CNDP1: variants seen among roughly 807,000 people sequenced by gnomAD.
CNDP1 encodes the protein beta-Ala-His dipeptidase.
A neutral mutation model predicts 58.1 loss-of-function variants in CNDP1; 44 were observed. That is an observed-to-expected ratio of 0.76 (90% CI 0.60 to 0.97). CNDP1 has a LOEUF of 0.97. Among genes scored for constraint, CNDP1 ranks in the 50% least tolerant of loss-of-function variants. The pLI, the probability that CNDP1 is intolerant of heterozygous loss-of-function variation, is 0.00. For missense variants in CNDP1, 616 were observed against 655.1 expected (o/e 0.94, Z 0.65); for synonymous variants, 254 against 252.6 (o/e 1.01, Z -0.05).
intron 7 of CNDP1, among the ~76,000 whole-genome samples, chr18:74,573,337 TATCC>T (rs1302798401): frequency 1.3e-5 from 2 of 152,172 alleles, no homozygotes; most frequent in Admixed American, 6.5e-5. Flanking sequence ...ATCATTTTTC[TATCC>T]ATCCATCCAT....
Position 74,585,993 on chromosome 18 carries a change from CCAA to C in CNDP1, c.*1432_*1434del, listed in dbSNP as rs1452781865. The C allele has an allele frequency of 2.4e-5, 1 of 40,924 alleles. No homozygotes were observed. Among genetic ancestry groups the C allele is most frequent in the Non-Finnish European group, 4.3e-5 (1 of 23,052 alleles). The allele number at this position is 40,924 out of a possible 1,614,324, so 2.5% of individuals were successfully genotyped here. ...TGGGCGACAGAGTGAGACTCCGTCTCCAAAAAAAAAAAAAAAAAAAAAAAAAGC... is the reference window on the plus strand; with the variant it reads ...TGGGCGACAGAGTGAGACTCCGTCTCAAAAAAAAAAAAAAAAAAAAAAAGC... On this transcript the variant is annotated 3_prime_UTR_variant, in exon 12 of 12. Transcript: ENST00000358821.
rs1420464845 is a variant in CNDP1 at position 74,584,855 on chromosome 18, T to C, written c.*293T>C. 3.2e-6 allele frequency: 1 copy of C among 309,312 alleles called. No individual in the cohort carries two copies. The highest frequency in any genetic ancestry group is 5.3e-5 in the East Asian group (1 of 18,748). The allele number at this position is 309,312 out of a possible 1,614,324, so 19.2% of individuals were successfully genotyped here. On this transcript the variant is annotated 3_prime_UTR_variant, in exon 12 of 12. Transcript: ENST00000358821. ...CCCCAGGATTGGATTCCTTCAAACC[T>C]TTTAGCATATCTCCAACCTTGCAAT...
intron 7 of CNDP1, among the ~76,000 whole-genome samples, chr18:74,574,092 C>T (rs1981568313): frequency 6.6e-6 from 1 of 152,208 alleles, no homozygotes; most frequent in Non-Finnish European, 1.5e-5. Flanking sequence ...TGAGAGTCGG[C>T]TGTGCTGTGT....
intron 1 of CNDP1, among the ~76,000 whole-genome samples, chr18:74,541,339 A>G (rs1980619912): frequency 6.6e-6 from 1 of 152,190 alleles, no homozygotes; most frequent in South Asian, 2.1e-4. Context: ...CTAGCTTCTC[A>G]GCAGGTTGTC....
intron 2 of CNDP1, among the ~76,000 whole-genome samples, chr18:74,558,392 C>CTTTTTTTTTTTTTT (rs71168498): frequency 9.1e-4 from 104 of 114,250 alleles, no homozygotes; most frequent in Non-Finnish European, 1.2e-3. Context: ...CTTTCTTTTT[C>CTTTTTTTTTTTTTT]TTTTTTTTTT....
At chr18:74,558,544 A>G (rs567895985) in intron 2 of CNDP1, among the ~76,000 whole-genome samples, 3 of 151,608 alleles carry the variant, frequency 2.0e-5, no homozygotes, top group South Asian at 2.1e-4. Context: ...ACAGGCGCCC[A>G]CCACCACACC....
chr18:74,583,456 A>G (rs1483147489), intron 10 of CNDP1, 105 bp from the exon 11 acceptor site: 1 of 913,394 alleles, frequency 1.1e-6, no homozygotes, highest in Non-Finnish European at 1.7e-6. Context: ...AGAAAGATTA[A>G]CAAGGAAAAA....
rs1980497250 is a variant in CNDP1, at chr18:74,536,844, A to G, written c.24+2153A>G. Among the ~76,000 whole-genome samples the G allele has an allele frequency of 3.3e-5, 5 of 152,128 alleles. 1 individual carries two copies. Among genetic ancestry groups the G allele is most frequent in the Admixed American group, 3.3e-4 (5 of 15,278 alleles). On this transcript the variant is annotated intron_variant, in intron 1 of 11. Transcript: ENST00000358821. The stretch of plus-strand genomic sequence containing the variant: ...TTTTAATACAGTTGTTTGATGTGAG[A>G]TGGTATCTCATTGTGGTTTTGATTT...
At chr18:74,560,398 G>A (rs1374870054) in intron 3 of CNDP1, among the ~76,000 whole-genome samples, 1 of 151,714 alleles carries the variant, frequency 6.6e-6, no homozygotes, top group East Asian at 1.9e-4. Context: ...CTTTTGATTA[G>A]GTTTTATATC....
chr18:74,542,572 C>A (rs936526240), intron 1 of CNDP1, among the ~76,000 whole-genome samples: 3 of 151,982 alleles, frequency 2.0e-5, no homozygotes, highest in Non-Finnish European at 4.4e-5. Context: ...AAAGCAATTG[C>A]ATATACTTCA....
At chr18:74,547,676 C>A (rs371535177) in intron 1 of CNDP1, among the ~76,000 whole-genome samples, 2 of 152,262 alleles carry the variant, frequency 1.3e-5, no homozygotes, top group Middle Eastern at 3.4e-3. Flanking sequence ...GAGGTGGAGG[C>A]GAAGCCAGTG....
At chr18:74,584,068 A>T in intron 11 of CNDP1, 1 of 303,358 alleles carries the variant, frequency 3.3e-6, no homozygotes, top group Non-Finnish European at 6.2e-6. Flanking sequence ...AAATACAGAC[A>T]CACTGGGGGG....
chr18:74,534,687 G>T lies in CNDP1; in HGVS notation c.20G>T (p.Arg7Ile). 6.2e-7 allele frequency: 1 copy of T among 1,614,116 alleles called. No homozygotes were observed. Among genetic ancestry groups the T allele is most frequent in the Non-Finnish European group, 8.5e-7 (1 of 1,179,998 alleles). MDPKLGRMAASLLAVLL... is the reference protein window; with the variant it reads MDPKLGIMAASLLAVLL... Reference sequence around the variant, plus strand: ...AGCCTAATGGATCCCAAACTCGGGAGAATGGTGAGTAGGACCTCCTCCATC... The same window carrying T: ...AGCCTAATGGATCCCAAACTCGGGATAATGGTGAGTAGGACCTCCTCCATC... Residue 7 changes from arginine (R) to isoleucine (I), a missense_variant, in exon 1 of 12, where the codon AGA (arginine) becomes ATA (isoleucine). Transcript: ENST00000358821.
chr18:74,539,338 T>C (rs1279263912), intron 1 of CNDP1, among the ~76,000 whole-genome samples: 4 of 152,158 alleles, frequency 2.6e-5, no homozygotes, highest in Non-Finnish European at 5.9e-5. Context: ...AGGCACGTGC[T>C]AATTTTCCGC....
chr18:74,573,838 C>T (rs189936109), intron 7 of CNDP1, among the ~76,000 whole-genome samples: 1 of 152,282 alleles, frequency 6.6e-6, no homozygotes, highest in African/African-American at 2.4e-5. Flanking sequence ...AGAGTCGGCT[C>T]GGGCTCATGA....
At chr18:74,579,203 G>GCCTTCCCTTCCCTTC (rs1555743780) in intron 9 of CNDP1, among the ~76,000 whole-genome samples, 11 of 125,632 alleles carry the variant, frequency 8.8e-5, no homozygotes, top group African/African-American at 1.6e-4. Context: ...CCCTTCCCTT[G>GCCTTCCCTTCCCTTC]CCTTCCCTTC....
chr18:74,548,242 T>G (rs1980813010), intron 1 of CNDP1, among the ~76,000 whole-genome samples: 2 of 152,076 alleles, frequency 1.3e-5, no homozygotes, highest in Admixed American at 1.3e-4. Flanking sequence ...AATGTTGGAG[T>G]TGGGGCTTGG....
At chr18:74,544,110 G>A (rs1025275013) in intron 1 of CNDP1, among the ~76,000 whole-genome samples, 7 of 152,076 alleles carry the variant, frequency 4.6e-5, no homozygotes, top group South Asian at 2.1e-4. Context: ...AAAATAAGCC[G>A]GCTTGGTGTT....
At chr18:74,584,240 T>A in intron 11 of CNDP1, 1 of 493,128 alleles carries the variant, frequency 2.0e-6, no homozygotes, top group South Asian at 2.4e-5. Flanking sequence ...CTGATATCCA[T>A]ATCAGTGATA....
Sources: allele counts gnomAD v4.1 joint callset (sites outside exome capture counted in the v4.1 genomes callset), GRCh38; gene constraint gnomAD v4.1.1; transcripts MANE v1.5; gene names NCBI Gene and HGNC (gene_info 2026-07-23, HGNC 2026-07-21).